FRMD1: variants seen among roughly 807,000 people sequenced by gnomAD.
FRMD1 encodes the protein FERM domain containing 1, also known as FERM domain-containing protein 1.
In FRMD1, 51 loss-of-function variants were observed where a neutral mutation model predicts 54.9. The observed-to-expected ratio is 0.93, with a 90% confidence interval of 0.74 to 1.17. FRMD1 has a LOEUF of 1.17. Among genes scored for constraint, FRMD1 ranks in the 50% most tolerant of loss-of-function variants. The pLI, the probability that FRMD1 is intolerant of heterozygous loss-of-function variation, is 0.00. For synonymous variants in FRMD1, 324 were observed against 306.4 expected (o/e 1.06, Z -0.60); for missense variants, 729 against 743.0 (o/e 0.98, Z 0.22).
intron 1 of FRMD1, among the ~76,000 whole-genome samples, chr6:168,077,911 G>A (rs1800668174): frequency 6.6e-6 from 1 of 152,178 alleles, no homozygotes; most frequent in African/African-American, 2.4e-5. Context: ...CTCGTTGCTG[G>A]GTGGGGACAC....
chr6:168,089,590 C>T (rs760030881), intron 1 of FRMD1, among the ~76,000 whole-genome samples: 1 of 152,242 alleles, frequency 6.6e-6, no homozygotes, highest in Non-Finnish European at 1.5e-5. Context: ...AGATAATCGA[C>T]CATCAGCAGC....
At chr6:168,086,797 G>A (rs894242102) in intron 1 of FRMD1, among the ~76,000 whole-genome samples, 3 of 152,224 alleles carry the variant, frequency 2.0e-5, no homozygotes, top group Non-Finnish European at 4.4e-5. Context: ...TGGATGGCAC[G>A]ATGTTCCATG....
At chr6:168,077,555 G>A (rs1242700988) in intron 1 of FRMD1, among the ~76,000 whole-genome samples, 4 of 152,226 alleles carry the variant, frequency 2.6e-5, no homozygotes, top group African/African-American at 7.2e-5. Flanking sequence ...ACAGATGTGC[G>A]CACACCCCGA....
chr6:168,073,194 C>G (rs1447571417), intron 2 of FRMD1, among the ~76,000 whole-genome samples: 1 of 152,170 alleles, frequency 6.6e-6, no homozygotes, highest in African/African-American at 2.4e-5. Flanking sequence ...TCCCCACCCC[C>G]AGTCACCCCC....
chr6:168,086,337 G>A (rs1287668606), upstream of FRMD1, among the ~76,000 whole-genome samples: 10 of 139,654 alleles, frequency 7.2e-5, no homozygotes, highest in East Asian at 1.3e-3. Context: ...GTGGACACCC[G>A]TGTGGACACC....
intron 8 of FRMD1, among the ~76,000 whole-genome samples, chr6:168,061,572 C>A (rs1316008940): frequency 1.3e-5 from 2 of 152,230 alleles, no homozygotes; most frequent in African/African-American, 4.8e-5. Flanking sequence ...AAGTGGAAAC[C>A]TCAGGTGGCT....
At chr6:168,081,675 C>G, upstream of FRMD1, 1 of 601,992 alleles carries the variant, frequency 1.7e-6, no homozygotes, top group South Asian at 3.4e-5. Flanking sequence ...GCAGAACTGA[C>G]ACAGGCACAG....
At chr6:168,071,240 C>T (rs1326655297) in intron 2 of FRMD1, among the ~76,000 whole-genome samples, 1 of 152,230 alleles carries the variant, frequency 6.6e-6, no homozygotes, top group Non-Finnish European at 1.5e-5. Flanking sequence ...GCCTCTATAT[C>T]CAAGCCCCAA....
intron 2 of FRMD1, among the ~76,000 whole-genome samples, chr6:168,069,844 T>G (rs1010220272): frequency 1.3e-5 from 2 of 152,204 alleles, no homozygotes; most frequent in African/African-American, 4.8e-5. Context: ...CCTCTGGTGA[T>G]GGGCGCACCC....
At chr6:168,092,218 T>G (rs909026739) in intron 1 of FRMD1, among the ~76,000 whole-genome samples, 1 of 152,262 alleles carries the variant, frequency 6.6e-6, no homozygotes, top group African/African-American at 2.4e-5. Context: ...TCATCTATCA[T>G]GTGTCCTGCT....
chr6:168,059,869 C>T lies in FRMD1; in HGVS notation c.1343-681G>A, dbSNP rs1799624298. Among the ~76,000 whole-genome samples the T allele has an allele frequency of 6.6e-6, 1 of 152,042 alleles. No homozygotes were observed. Among genetic ancestry groups the T allele is most frequent in the African/African-American group, 2.4e-5 (1 of 41,390 alleles). On this transcript the variant is annotated intron_variant, in intron 9 of 10. Transcript: ENST00000283309. The surrounding 1 kb of genome is among the most constrained non-coding windows in gnomAD (Gnocchi z 4.4). ...CAGGACAAGGTGCTGCGTCCTGGGC[C>T]AGGTGGACACATGGTCCTAGAACAC...
intron 1 of FRMD1, chr6:168,075,619 C>T: frequency 1.2e-6 from 1 of 831,268 alleles, no homozygotes; most frequent in Non-Finnish European, 2.0e-6. Flanking sequence ...GTGAGGATTT[C>T]CCGAGACCAG....
chr6:168,067,331 G>T (rs1800091713), intron 3 of FRMD1, 36 bp downstream of exon 3: 1 of 1,395,882 alleles, frequency 7.2e-7, no homozygotes, highest in Non-Finnish European at 1.0e-6. Context: ...GCCCACCGCG[G>T]TGCCTGCCCT....
At chr6:168,076,705 C>T (rs933310325) in intron 1 of FRMD1, among the ~76,000 whole-genome samples, 8 of 152,206 alleles carry the variant, frequency 5.3e-5, no homozygotes, top group African/African-American at 1.9e-4. Flanking sequence ...TTGGGTATGT[C>T]TTTATTAGCA....
intron 1 of FRMD1, chr6:168,076,014 C>T (rs1800578946): frequency 3.5e-6 from 3 of 846,398 alleles, no homozygotes; most frequent in Admixed American, 2.2e-5. Flanking sequence ...GCCTGTTCAG[C>T]CCCGGCATGG....
At position 168,056,788 on chromosome 6, in the gene FRMD1, CTG is replaced by C. The variant is rs1387691720; in HGVS notation, c.*307_*308del. 25 of 240,496 alleles carry C rather than the reference CTG, an allele frequency of 1.0e-4. No individual in the cohort carries two copies. The highest frequency in any genetic ancestry group is 1.9e-4 in the Non-Finnish European group (24 of 124,866). 14.9% of individuals were successfully genotyped at this position (240,496 alleles called of 1,614,324 possible). On this transcript the variant is annotated 3_prime_UTR_variant, in exon 11 of 11. Coordinates refer to ENST00000283309, the MANE Select transcript of FRMD1 (RefSeq NM_024919.6). ...CTCCCAGATTAGGATGGGTGACAGG[CTG>C]CCTCAGGGGCCAACACCATGGCTCT...
chr6:168,077,627 G>C (rs1800657046), intron 1 of FRMD1, among the ~76,000 whole-genome samples: 1 of 152,262 alleles, frequency 6.6e-6, no homozygotes, highest in African/African-American at 2.4e-5. Flanking sequence ...GAGTTGCAGA[G>C]GCACTTCAGG....
upstream of FRMD1, among the ~76,000 whole-genome samples, chr6:168,084,743 C>T (rs1800890332): frequency 6.6e-6 from 1 of 152,230 alleles, no homozygotes; most frequent in South Asian, 2.1e-4. Flanking sequence ...GCCCTCTTGT[C>T]CCTTCTGTGT....
At chr6:168,079,810 T>C (rs955867943), upstream of FRMD1, among the ~76,000 whole-genome samples, 7 of 152,032 alleles carry the variant, frequency 4.6e-5, no homozygotes, top group African/African-American at 1.2e-4. Flanking sequence ...AGCAGCCGGG[T>C]GCATCAGCAC....
Sources: allele counts gnomAD v4.1 joint callset (sites outside exome capture counted in the v4.1 genomes callset), GRCh38; gene constraint gnomAD v4.1.1; non-coding constraint Gnocchi (gnomAD v3.1); transcripts MANE v1.5; gene names NCBI Gene and HGNC (gene_info 2026-07-23, HGNC 2026-07-21).